The following PRPF38A variants were observed in gnomAD, a reference collection of about 807,000 sequenced individuals.
PRPF38A encodes pre-mRNA-splicing factor 38A.
In PRPF38A, 11 loss-of-function variants were observed where a neutral mutation model predicts 46.8. The observed-to-expected ratio is 0.24, with a 90% CI of 0.15 to 0.39. The LOEUF is 0.39. PRPF38A is among the 10% of genes least tolerant of loss of function. PRPF38A has a pLI of 1.00. For synonymous variants in PRPF38A, 124 were observed against 136.2 expected (o/e 0.91, Z 0.62); for missense variants, 261 against 407.5 (o/e 0.64, Z 3.10).
chr1:52,415,311 C>T lies in PRPF38A; in HGVS notation c.848-27C>T, dbSNP rs1212712781. 2.5e-6 allele frequency: 4 copies of T among 1,610,546 alleles called. No individual in the cohort carries two copies. In the African/African-American group the frequency reaches 5.3e-5, roughly 22 times the overall value. On this transcript the variant is annotated intron_variant, in intron 8 of 9. Coordinates refer to ENST00000257181, the MANE Select transcript of PRPF38A (RefSeq NM_032864.4). ...TTTAATAAGAGTAGAAGGGTAGGAT[C>T]TTATGCAATGGCCTTTTCTTCCCCA...
In PRPF38A at chr1:52,413,803, G is replaced by A. The variant is rs55908739; in HGVS notation, c.610-76G>A. 6.6e-3 allele frequency: 6,058 copies of A among 923,730 alleles called. 40 individuals are homozygous for A. Among genetic ancestry groups the A allele is most frequent in the Non-Finnish European group, 8.6e-3 (4,957 of 573,230 alleles). 57.2% of individuals were successfully genotyped at this position (923,730 alleles called of 1,614,324 possible). Reference sequence around the variant, plus strand: ...GATGGACTTTGGGACAAGATGGGGCGTGAAGTATAATTAGTGTTCCTAGAT... The same window carrying A: ...GATGGACTTTGGGACAAGATGGGGCATGAAGTATAATTAGTGTTCCTAGAT... On this transcript the variant is annotated intron_variant, in intron 5 of 9. Transcript: ENST00000257181.
chr1:52,416,461 G>A (rs1185209535), intron 9 of PRPF38A, among the ~76,000 whole-genome samples, 187 bp from the exon 10 acceptor site: 3 of 151,878 alleles, frequency 2.0e-5, no homozygotes, highest in Non-Finnish European at 2.9e-5. Context: ...GGTGCCCGCC[G>A]CCATGCTCGG....
rs955790775 is a variant in PRPF38A at position 52,417,365 on chromosome 1, T to C, written c.*675T>C. 2 of 152,308 alleles carry C rather than the reference T, an allele frequency of 1.3e-5. No homozygotes were observed. Among genetic ancestry groups the C allele is most frequent in the African/African-American group, 4.8e-5 (2 of 41,452 alleles). 9.4% of individuals were successfully genotyped at this position (152,308 alleles called of 1,614,324 possible). A position where few individuals can be genotyped will look rare whatever the true frequency, so the allele number is the denominator to read the frequency against. On this transcript the variant is annotated 3_prime_UTR_variant, in exon 10 of 10. Coordinates refer to ENST00000257181, the MANE Select transcript of PRPF38A (RefSeq NM_032864.4). ...TCCAGGTTAAGGTATCCAGCCTTTA[T>C]CATATAAGCATTGACATTATCCAGG...
chr1:52,408,260 G>C, intron 2 of PRPF38A: 1 of 432,874 alleles, frequency 2.3e-6, no homozygotes, highest in Non-Finnish European at 4.4e-6. Flanking sequence ...ATAAAATTCA[G>C]TATTTCTTTT....
intron 1 of PRPF38A, 145 bp from the exon 2 acceptor site, chr1:52,405,535 T>C (rs2147952899): frequency 1.4e-6 from 1 of 693,132 alleles, no homozygotes; most frequent in Non-Finnish European, 2.5e-6. Context: ...ATATTAGCTG[T>C]TGTCGTTACT....
intron 4 of PRPF38A, 144 bp downstream of exon 4, chr1:52,411,344 A>G: frequency 1.6e-6 from 1 of 609,188 alleles, no homozygotes; most frequent in Non-Finnish European, 2.9e-6. Flanking sequence ...GGGAGTCCCA[A>G]GATAGTGGAT....
At position 52,415,391 on chromosome 1, in the gene PRPF38A, T is replaced by C; in HGVS notation, c.896+5T>C. ...CCACTCAAAGTCTCCCGAAAGGTAA[T>C]GAATTGACCTCTATTTTAACTTTAC... On this transcript the variant is annotated splice_donor_5th_base_variant and intron_variant, in intron 9 of 9. Coordinates refer to ENST00000257181, the MANE Select transcript of PRPF38A (RefSeq NM_032864.4). The C allele has an allele frequency of 6.2e-7, 1 of 1,611,148 alleles. No individual in the cohort carries two copies. The highest frequency in any genetic ancestry group is 1.3e-5 in the African/African-American group (1 of 74,992).
At position 52,408,555 on chromosome 1, in the gene PRPF38A, C is replaced by T. The variant is rs566919788; in HGVS notation, c.291-14C>T. 6.2e-7 allele frequency: 1 copy of T among 1,614,040 alleles called. No individual in the cohort carries two copies. The highest frequency in any genetic ancestry group is 8.5e-7 in the Non-Finnish European group (1 of 1,179,932). ...CTAGGATGGCCTGTTGTTTCACTGT[C>T]ATCTGTCTCTCAGGTATGTCCGCAT... On this transcript the variant is annotated splice_polypyrimidine_tract_variant and intron_variant, in intron 2 of 9. Transcript: ENST00000257181.
intron 3 of PRPF38A, among the ~76,000 whole-genome samples, chr1:52,410,667 A>C (rs1420628694): frequency 6.6e-6 from 1 of 151,854 alleles, no homozygotes; most frequent in Non-Finnish European, 1.5e-5. Context: ...ATGCCCAGCT[A>C]ATTTTTGTGT....
In PRPF38A at chr1:52,414,843, C is replaced by G; in HGVS notation, c.831C>G (p.Ser277=). ...RSRSRDRRHR[S]RSKSPGHHRS... ...GGTCCCGAGATCGGCGGCACAGATC[C>G]CGTTCCAAGTCCCCAGGTAAAGCTT... Residue 277 remains serine, a synonymous_variant, in exon 8 of 10, where the codon TCC becomes TCG. Coordinates refer to ENST00000257181, the MANE Select transcript of PRPF38A (RefSeq NM_032864.4). The G allele has an allele frequency of 1.2e-6, 2 of 1,614,082 alleles. No individual in the cohort carries two copies. Among genetic ancestry groups the G allele is most frequent in the Non-Finnish European group, 1.7e-6 (2 of 1,179,970 alleles).
chr1:52,405,261 T>C (rs1347247752), intron 1 of PRPF38A, among the ~76,000 whole-genome samples: 3 of 152,240 alleles, frequency 2.0e-5, no homozygotes, highest in Non-Finnish European at 4.4e-5. Context: ...TATTCTTAGA[T>C]CTGGGCCGGT....
In PRPF38A at chr1:52,418,921, T is replaced by A. The variant is rs1260101848; in HGVS notation, c.*2231T>A. ...TCTGGTGTTTCCTACTTGTTAACAG[T>A]TTTTAATATTGGATGAAACCACTTA... On this transcript the variant is annotated 3_prime_UTR_variant, in exon 10 of 10. Coordinates refer to ENST00000257181, the MANE Select transcript of PRPF38A (RefSeq NM_032864.4). 1 of 152,238 alleles carries A rather than the reference T, an allele frequency of 6.6e-6. No individual in the cohort carries two copies. The highest frequency in any genetic ancestry group is 1.5e-5 in the Non-Finnish European group (1 of 68,044). 9.4% of individuals were successfully genotyped at this position (152,238 alleles called of 1,614,324 possible).
chr1:52,407,023 C>CA (rs1553149453), intron 2 of PRPF38A, among the ~76,000 whole-genome samples: 1 of 151,838 alleles, frequency 6.6e-6, no homozygotes, highest in East Asian at 1.9e-4. Flanking sequence ...AGGAACAACT[C>CA]TTTTTTTTGT....
At position 52,415,456 on chromosome 1, in the gene PRPF38A, T is replaced by G. The variant is rs186780039; in HGVS notation, c.896+70T>G. 8 of 1,386,152 alleles carry G rather than the reference T, an allele frequency of 5.8e-6. No individual in the cohort carries two copies. The Admixed American group carries it at 1.3e-4, about 23-fold the overall frequency. 85.9% of individuals were successfully genotyped at this position (1,386,152 alleles called of 1,614,324 possible). A position where few individuals can be genotyped will look rare whatever the true frequency, so the allele number is the denominator to read the frequency against. Reference sequence around the variant, plus strand: ...TTACAACTAACTGGACCTGAAATTTTCTTGTTTTGTTGGGGGATGTTAGGA... The same window carrying G: ...TTACAACTAACTGGACCTGAAATTTGCTTGTTTTGTTGGGGGATGTTAGGA... On this transcript the variant is annotated intron_variant, in intron 9 of 9. Transcript: ENST00000257181.
chr1:52,416,866 TAATC>T lies in PRPF38A; in HGVS notation c.*179_*182del, dbSNP rs1648308664. 4 of 617,826 alleles carry T rather than the reference TAATC, an allele frequency of 6.5e-6. No individual in the cohort carries two copies. The highest frequency in any genetic ancestry group is 1.9e-5 in the African/African-American group (1 of 53,768). The allele number at this position is 617,826 out of a possible 1,614,324, so 38.3% of individuals were successfully genotyped here. ...GCTGAGTTTTGTATCTTTTTAATCA[TAATC>T]AACATCAGTTTTTGACCCAACTAAC... On this transcript the variant is annotated 3_prime_UTR_variant, in exon 10 of 10. Coordinates refer to ENST00000257181, the MANE Select transcript of PRPF38A (RefSeq NM_032864.4).
intron 6 of PRPF38A, 122 bp from the exon 7 acceptor site, chr1:52,414,499 A>G: frequency 9.7e-7 from 1 of 1,030,948 alleles, no homozygotes; most frequent in Non-Finnish European, 1.5e-6. Flanking sequence ...TTACGTGACA[A>G]AAGACATGGA....
intron 5 of PRPF38A, among the ~76,000 whole-genome samples, chr1:52,413,676 T>C (rs934039103): frequency 2.0e-5 from 3 of 152,142 alleles, no homozygotes; most frequent in Non-Finnish European, 4.4e-5. Flanking sequence ...CTCCTATGAG[T>C]CATTTTGGCT....
At chr1:52,415,208 T>G (rs771468763) in intron 8 of PRPF38A, 130 bp from the exon 9 acceptor site, 5 of 825,412 alleles carry the variant, frequency 6.1e-6, no homozygotes, top group Non-Finnish European at 7.7e-6. Flanking sequence ...CAGAGTTGCT[T>G]CCACTAAGAG....
At chr1:52,410,101 TAA>T (rs1648105977) in intron 3 of PRPF38A, among the ~76,000 whole-genome samples, 1 of 148,290 alleles carries the variant, frequency 6.7e-6, no homozygotes, top group Non-Finnish European at 1.5e-5. Context: ...TACAAATATA[TAA>T]ATATACATAA....
Sources: allele counts gnomAD v4.1 joint callset (sites outside exome capture counted in the v4.1 genomes callset), GRCh38; gene constraint gnomAD v4.1.1; transcripts MANE v1.5; gene names NCBI Gene and HGNC (gene_info 2026-07-23, HGNC 2026-07-21).